PSG7: variants seen among roughly 807,000 people sequenced by gnomAD.
The protein encoded by PSG7 is pregnancy-specific beta-1-glycoprotein 7.
Under a neutral mutation model 45.6 loss-of-function variants are expected in PSG7, and 57 were observed. That is an observed-to-expected ratio of 1.25 (90% CI 1.01 to 1.56). The LOEUF (loss-of-function observed/expected upper bound fraction) is 1.56. Among genes scored for constraint, PSG7 ranks in the 40% most tolerant of loss-of-function variants. The probability of loss-of-function intolerance (pLI) is 0.00; values close to 1 mark genes in which losing one functional copy is unlikely to be tolerated. For missense variants in PSG7, 796 were observed against 508.4 expected, an observed-to-expected ratio of 1.57 and a Z score of -5.44; for synonymous variants, 298 against 194.4, an observed-to-expected ratio of 1.53 and a Z score of -4.43.
rs1317160164 is a variant in PSG7 at position 42,925,896 on chromosome 19, G to A, written c.1120C>T (p.Leu374=). The A allele has an allele frequency of 5.6e-6, 9 of 1,612,180 alleles. No individual in the cohort carries two copies. The highest frequency in any genetic ancestry group is 7.6e-6 in the Non-Finnish European group (9 of 1,179,150). ...GGGATAGAAAGCTTTTGTCCTGATA[G>A]CTGAAACTTCCCATTAATTGTCCAA... ...YSWTINGKFQ[L]SGQKLSIPQI... is the part of the protein sequence containing the mutation. The change falls in exon 5 of 6, where the codon CTA becomes TTA. Residue 374 remains leucine (L), a synonymous_variant. Coordinates refer to ENST00000406070, the MANE Select transcript of PSG7 (RefSeq NM_002783.3).
chr19:42,935,268 A>T (rs1347796645), intron 2 of PSG7, 136 bp downstream of exon 2: 1 of 1,474,688 alleles, frequency 6.8e-7, no homozygotes, highest in Non-Finnish European at 9.4e-7. Flanking sequence ...TGTTTCCTGC[A>T]ATAAATGCCC....
At position 42,924,601 on chromosome 19, in the gene PSG7, G is replaced by T. The variant is rs2122666810; in HGVS notation, c.*207C>A. The T allele has an allele frequency of 6.3e-6, 4 of 636,732 alleles. No individual in the cohort carries two copies. Among genetic ancestry groups the T allele is most frequent in the South Asian group, 3.7e-5 (2 of 53,372 alleles). The allele number at this position is 636,732 out of a possible 1,614,324, so 39.4% of individuals were successfully genotyped here. A position where few individuals can be genotyped will look rare whatever the true frequency, so the allele number is the denominator to read the frequency against. On this transcript the variant is annotated 3_prime_UTR_variant, in exon 6 of 6. Coordinates refer to ENST00000406070, the MANE Select transcript of PSG7 (RefSeq NM_002783.3). ...GTCCACAGTGTGAAGTCATCAACTT[G>T]TTTTCCTTGTTTACAGTTTGAGCAG...
chr19:42,933,292 TATATATATATATA>T lies in PSG7; in HGVS notation c.430+2099_430+2111del, dbSNP rs1191763885. 1.8e-3 allele frequency among the ~76,000 whole-genome samples: 24 copies of T among 13,404 alleles called. 1 individual carries two copies. The highest frequency in any genetic ancestry group is 2.2e-3 in the Non-Finnish European group (11 of 4,942). 8.8% of individuals were successfully genotyped at this position (13,404 alleles called of 152,430 possible). On this transcript the variant is annotated intron_variant, in intron 2 of 5. Coordinates refer to ENST00000406070, the MANE Select transcript of PSG7 (RefSeq NM_002783.3). ...ATATATATATATATATATATATATA[TATATATATATATA>T]TATTTTTTTTTTTTTTTGGTGTATG...
intron 3 of PSG7, chr19:42,927,045 G>T (rs1379305189): frequency 2.5e-6 from 1 of 396,378 alleles, no homozygotes. Context: ...GCTCACCCTG[G>T]GTTCATTACC....
chr19:42,935,286 A>C, intron 2 of PSG7, 118 bp downstream of exon 2: 1 of 1,494,114 alleles, frequency 6.7e-7, no homozygotes, highest in African/African-American at 1.4e-5. Flanking sequence ...CCCAAACCCC[A>C]GCATGGGACA....
intron 2 of PSG7, among the ~76,000 whole-genome samples, chr19:42,932,048 G>C (rs1183481409): frequency 1.3e-5 from 2 of 151,104 alleles, no homozygotes; most frequent in Non-Finnish European, 3.0e-5. Context: ...TTCTGAGACA[G>C]AGTCTCTCTT....
intron 2 of PSG7, among the ~76,000 whole-genome samples, chr19:42,933,295 ATATATATATATATTTTTT>A (rs1219879990): frequency 1.7e-4 from 2 of 11,906 alleles, no homozygotes; most frequent in African/African-American, 4.8e-4. Context: ...ATATATATAT[ATATATATATATATTTTTT>A]TTTTTTTTTG....
At chr19:42,934,593 A>G (rs1036376678) in intron 2 of PSG7, among the ~76,000 whole-genome samples, 1 of 151,678 alleles carries the variant, frequency 6.6e-6, no homozygotes, top group Middle Eastern at 3.2e-3. Flanking sequence ...CCTAATGCGT[A>G]GCACTGTGGA....
At position 42,935,648 on chromosome 19, in the gene PSG7, A is replaced by G. The variant is rs1324274798; in HGVS notation, c.186T>C (p.Leu62=). The change falls in exon 2 of 6, where the codon CTT becomes CTC. Residue 62 remains leucine (L), a synonymous_variant. Coordinates refer to ENST00000406070, the MANE Select transcript of PSG7 (RefSeq NM_002783.3). ...GTCCTTTGTACCAGATGTAGCCAGT[A>G]AGATTCTGGGGCAAATTGTGGACAA... is the stretch of plus-strand genomic sequence containing the variant. ...LLLVHNLPQN[L]TGYIWYKGQI... 4 of 1,612,054 alleles carry G rather than the reference A, an allele frequency of 2.5e-6. No individual in the cohort carries two copies. The highest frequency in any genetic ancestry group is 1.7e-5 in the Admixed American group (1 of 59,798).
rs145596119 is a variant in PSG7 at position 42,926,898 on chromosome 19, A to G, written c.710-182T>C. On this transcript the variant is annotated intron_variant, in intron 3 of 5. Coordinates refer to ENST00000406070, the MANE Select transcript of PSG7 (RefSeq NM_002783.3). ...CTAAGGGCTCAAAGACTGTGAGGCC[A>G]CCTGCTCAGTCTTAGGGAAGCATAG... is the stretch of plus-strand genomic sequence containing the variant. 1.7e-4 allele frequency: 196 copies of G among 1,175,050 alleles called. 5 individuals carry two copies. The Middle Eastern group carries it at 2.3e-3, about 14-fold the overall frequency. 72.8% of individuals were successfully genotyped at this position (1,175,050 alleles called of 1,614,324 possible). A position where few individuals can be genotyped will look rare whatever the true frequency, so the allele number is the denominator to read the frequency against.
chr19:42,933,307 A>ATATATATATATATATATAT (rs56691588), intron 2 of PSG7, among the ~76,000 whole-genome samples: 3 of 13,506 alleles, frequency 2.2e-4, no homozygotes, highest in Non-Finnish European at 4.8e-4. Flanking sequence ...ATATATATAT[A>ATATATATATATATATATAT]TTTTTTTTTT....
chr19:42,926,131 C>G lies in PSG7; in HGVS notation c.989-104G>C, dbSNP rs558080459. On this transcript the variant is annotated intron_variant, in intron 4 of 5. Transcript: ENST00000406070. ...GACCCTCTGAGCCGAGACACACCCT[C>G]AAGTGACAGCCAAATCCCCTCTATG... The G allele has an allele frequency of 2.6e-6, 4 of 1,510,502 alleles. No homozygotes were observed. In the African/African-American group the frequency reaches 4.2e-5, roughly 16 times the overall value. 93.6% of individuals were successfully genotyped at this position (1,510,502 alleles called of 1,614,324 possible). A position where few individuals can be genotyped will look rare whatever the true frequency, so the allele number is the denominator to read the frequency against.
At chr19:42,928,444 C>T (rs980439212) in intron 3 of PSG7, among the ~76,000 whole-genome samples, 2 of 151,476 alleles carry the variant, frequency 1.3e-5, no homozygotes, top group Non-Finnish European at 2.9e-5. Context: ...ATATTGATAT[C>T]ATCTTTAATT....
At chr19:42,933,286 TATATATATATATA>T (rs1973065467) in intron 2 of PSG7, among the ~76,000 whole-genome samples, 4 of 10,354 alleles carry the variant, frequency 3.9e-4, no homozygotes, top group East Asian at 4.1e-3. Flanking sequence ...TATATATATA[TATATATATATATA>T]TATATATATT....
chr19:42,933,301 A>ATTTTTT (rs1439847468), intron 2 of PSG7, among the ~76,000 whole-genome samples: 2 of 14,648 alleles, frequency 1.4e-4, no homozygotes, highest in African/African-American at 1.8e-4. Context: ...ATATATATAT[A>ATTTTTT]TATATATTTT....
In PSG7 at chr19:42,935,775, A is replaced by C; in HGVS notation, c.65-6T>G. On this transcript the variant is annotated splice_region_variant and splice_polypyrimidine_tract_variant and intron_variant, in intron 1 of 5. Coordinates refer to ENST00000406070, the MANE Select transcript of PSG7 (RefSeq NM_002783.3). The stretch of plus-strand genomic sequence containing the variant: ...CCAGAAGTTTAAAAGTGATGCTAGG[A>C]GGTGGAGAGAGCATCAGTCAATATT... 1 of 1,605,148 alleles carries C rather than the reference A, an allele frequency of 6.2e-7. No homozygotes were observed. Among genetic ancestry groups the C allele is most frequent in the Non-Finnish European group, 8.5e-7 (1 of 1,175,932 alleles).
Position 42,935,533 on chromosome 19 carries a change from C to T in PSG7, c.301G>A (p.Val101Ile), listed in dbSNP as rs782146830. 55 of 1,612,202 alleles carry T rather than the reference C, an allele frequency of 3.4e-5. 1 individual carries two copies. Among genetic ancestry groups the T allele is most frequent in the Non-Finnish European group, 4.4e-5 (52 of 1,179,060 alleles). ...YGPAYSGRET[V>I]YSNASLLIQN... ...ATCAGCAGGGATGCATTGGAATATA[C>T]TGTTTCTCGTCCACTGTATGCAGGC... Residue 101 changes from valine (V) to isoleucine (I), a missense_variant, in exon 2 of 6, where the codon GTA (valine) becomes ATA (isoleucine). Physicochemically the swap from Val to Ile is conservative, Grantham distance 29 (BLOSUM62 3). Coordinates refer to ENST00000406070, the MANE Select transcript of PSG7 (RefSeq NM_002783.3).
chr19:42,924,914 C>T, intron 5 of PSG7, 90 bp from the exon 6 acceptor site: 1 of 757,994 alleles, frequency 1.3e-6, no homozygotes, highest in Non-Finnish European at 2.4e-6. Context: ...CATAATTTTT[C>T]TCTCTATGGG....
At chr19:42,929,085 GA>G in intron 3 of PSG7, 1 of 347,624 alleles carries the variant, frequency 2.9e-6, no homozygotes. Context: ...TTGTCAGAGG[GA>G]AGGTAAAATC....
Sources: allele counts gnomAD v4.1 joint callset (sites outside exome capture counted in the v4.1 genomes callset), GRCh38; gene constraint gnomAD v4.1.1; transcripts MANE v1.5; gene names NCBI Gene and HGNC (gene_info 2026-07-23, HGNC 2026-07-21).